Variants in CECR2 observed in about 807,000 individuals in gnomAD.
CECR2 encodes the protein chromatin remodeling regulator CECR2.
A neutral mutation model predicts 154.5 loss-of-function variants in CECR2; 30 were observed. That is an observed-to-expected ratio of 0.19 (90% CI 0.15 to 0.26). The LOEUF (loss-of-function observed/expected upper bound fraction) is 0.26, where lower values mean the gene tolerates loss of function less well. Among genes scored for constraint, CECR2 ranks in the 10% least tolerant of loss-of-function variants. The probability of loss-of-function intolerance (pLI) is 1.00; values close to 1 mark genes in which losing one functional copy is unlikely to be tolerated. For synonymous variants in CECR2, 725 were observed against 683.7 expected (o/e 1.06, Z -0.94); for missense variants, 1,743 against 1,829.3 (o/e 0.95, Z 0.86).
intron 1 of CECR2, among the ~76,000 whole-genome samples, chr22:17,473,208 GA>G (rs1271755238): frequency 6.6e-6 from 1 of 152,136 alleles, no homozygotes; most frequent in African/African-American, 2.4e-5. Flanking sequence ...GCCCTATGCT[GA>G]TTAGCTGCCT....
At chr22:17,366,332 G>A (rs2063001751), upstream of CECR2, among the ~76,000 whole-genome samples, 3 of 152,166 alleles carry the variant, frequency 2.0e-5, no homozygotes, top group South Asian at 6.2e-4. Flanking sequence ...GGAGTACAGG[G>A]GCGTGCCACC....
chr22:17,379,276 T>C (rs1211743130), intron 1 of CECR2, among the ~76,000 whole-genome samples: 3 of 152,136 alleles, frequency 2.0e-5, no homozygotes, highest in Non-Finnish European at 4.4e-5. Context: ...TTTTTTCTCT[T>C]TCCTAGAACG....
At chr22:17,551,944 C>A in intron 17 of CECR2, 87 bp from the exon 18 acceptor site, 1 of 1,236,360 alleles carries the variant, frequency 8.1e-7, no homozygotes, top group Non-Finnish European at 1.2e-6. Flanking sequence ...GTGATGAAGG[C>A]AGTACCCTCG....
intron 1 of CECR2, among the ~76,000 whole-genome samples, chr22:17,403,311 C>T (rs549664378): frequency 1.3e-5 from 2 of 152,282 alleles, no homozygotes; most frequent in South Asian, 4.2e-4. Flanking sequence ...CACTTTTTAT[C>T]CATTCACCAG....
intron 7 of CECR2, among the ~76,000 whole-genome samples, chr22:17,509,245 A>G (rs2055898491): frequency 6.6e-6 from 1 of 152,048 alleles, no homozygotes; most frequent in African/African-American, 2.4e-5. Context: ...ATGGAGAAAA[A>G]AAAAGAAAAG....
intron 1 of CECR2, among the ~76,000 whole-genome samples, chr22:17,437,151 C>T (rs2054518354): frequency 6.6e-6 from 1 of 152,044 alleles, no homozygotes; most frequent in Non-Finnish European, 1.5e-5. Flanking sequence ...AGTGTTAGTG[C>T]CATTAGATGG....
At chr22:17,490,155 G>GT (rs1048394380) in intron 2 of CECR2, among the ~76,000 whole-genome samples, 1 of 151,312 alleles carries the variant, frequency 6.6e-6, no homozygotes, top group East Asian at 1.9e-4. Context: ...TTTTGTGTGT[G>GT]TGTGTGTGTG....
intron 1 of CECR2, among the ~76,000 whole-genome samples, chr22:17,379,411 C>G (rs1328576851): frequency 6.6e-6 from 1 of 152,092 alleles, no homozygotes; most frequent in South Asian, 2.1e-4. Flanking sequence ...TGCCTAGTGC[C>G]GCAGGGAGGA....
chr22:17,382,065 T>C (rs1467534084), intron 1 of CECR2, among the ~76,000 whole-genome samples: 1 of 151,888 alleles, frequency 6.6e-6, no homozygotes, highest in African/African-American at 2.4e-5. Context: ...TTTTTTTTTT[T>C]TTTTTTAGTA....
chr22:17,425,186 C>A (rs933019225), intron 1 of CECR2, among the ~76,000 whole-genome samples: 1 of 151,328 alleles, frequency 6.6e-6, no homozygotes, highest in Non-Finnish European at 1.5e-5. Flanking sequence ...CTCCTTTTAG[C>A]GTCCAAGTGT....
chr22:17,520,474 GGTTT>G (rs1294586370), intron 8 of CECR2, among the ~76,000 whole-genome samples: 1 of 151,946 alleles, frequency 6.6e-6, no homozygotes, highest in African/African-American at 2.4e-5. Context: ...AGAATGTGCA[GGTTT>G]GTTACATAGG....
intron 2 of CECR2, among the ~76,000 whole-genome samples, chr22:17,485,669 G>A (rs2055408463): frequency 1.3e-5 from 2 of 152,166 alleles, no homozygotes; most frequent in Non-Finnish European, 1.5e-5. Context: ...AGGTACTCGG[G>A]AGGCTGAGGC....
intron 8 of CECR2, among the ~76,000 whole-genome samples, chr22:17,520,303 ATAG>A (rs1487057297): frequency 1.3e-5 from 2 of 152,184 alleles, no homozygotes; most frequent in African/African-American, 4.8e-5. Context: ...TGTTTGATAT[ATAG>A]ATATACCTGT....
chr22:17,379,149 G>T (rs1264337569), intron 1 of CECR2, among the ~76,000 whole-genome samples: 1 of 152,034 alleles, frequency 6.6e-6, no homozygotes, highest in Non-Finnish European at 1.5e-5. Context: ...TAGAGACAGG[G>T]TTTCACCATC....
chr22:17,476,152 C>T, intron 1 of CECR2, among the ~76,000 whole-genome samples: 1 of 149,862 alleles, frequency 6.7e-6, no homozygotes, highest in Non-Finnish European at 1.5e-5. Context: ...TCTCCATTGT[C>T]ACTCGGTCAC....
In CECR2 at chr22:17,375,547, C is replaced by G. The variant is rs1438836734; in HGVS notation, c.126+5638C>G. ...ACAATGTATATAATGTCAAAAGGCCCCAAGTAGAGTGGGGTGGAGGCTTGC... is the reference window on the plus strand; with the variant it reads ...ACAATGTATATAATGTCAAAAGGCCGCAAGTAGAGTGGGGTGGAGGCTTGC... On this transcript the variant is annotated intron_variant, in intron 1 of 18. Coordinates refer to ENST00000262608, the MANE Select transcript of CECR2 (RefSeq NM_001290047.2). 2.6e-5 allele frequency among the ~76,000 whole-genome samples: 4 copies of G among 152,134 alleles called. No homozygotes were observed. The East Asian group carries it at 7.7e-4, about 29-fold the overall frequency.
chr22:17,372,833 C>T (rs1298504951), intron 1 of CECR2, among the ~76,000 whole-genome samples: 1 of 151,972 alleles, frequency 6.6e-6, no homozygotes. Context: ...TTTCAGGAAA[C>T]CAGTTTTCAG....
At position 17,465,726 on chromosome 22, in the gene CECR2, C is replaced by A. The variant is rs1325411513; in HGVS notation, c.127-11862C>A. ...TCATGAACTCCTGACCTCGTGATCC[C>A]CCCGCCTCAGCCTCCCAAAGTGCCA... is the stretch of plus-strand genomic sequence containing the variant. On this transcript the variant is annotated intron_variant, in intron 1 of 18. Transcript: ENST00000262608. 3.3e-5 allele frequency among the ~76,000 whole-genome samples: 5 copies of A among 151,220 alleles called. No individual in the cohort carries two copies. The East Asian group carries it at 9.9e-4, about 30-fold the overall frequency.
At chr22:17,521,407 G>A (rs953957135) in intron 8 of CECR2, among the ~76,000 whole-genome samples, 1 of 152,072 alleles carries the variant, frequency 6.6e-6, no homozygotes, top group Non-Finnish European at 1.5e-5. Context: ...AGGCGTGGTG[G>A]CGGGCGCCTG....
Sources: gnomAD v4.1 joint callset for allele counts (sites outside exome capture counted in the v4.1 genomes callset) on GRCh38, gnomAD v4.1.1 for gene constraint, MANE v1.5 for transcripts, NCBI Gene and HGNC (gene_info 2026-07-23, HGNC 2026-07-21) for gene names.